Variants in HIBCH observed in about 807,000 individuals in gnomAD.
The protein encoded by HIBCH is 3-hydroxyisobutyryl-CoA hydrolase.
HIBCH carries 50 observed loss-of-function variants against 58.2 expected under a neutral mutation model. The observed-to-expected ratio is 0.86, with a 90% CI of 0.68 to 1.09. HIBCH has a LOEUF of 1.09. HIBCH is among the 50% of genes least tolerant of loss of function. HIBCH has a pLI of 0.00. For missense variants in HIBCH, 450 were observed against 449.7 expected (o/e 1.00, Z -0.01); for synonymous variants, 151 against 146.9 (o/e 1.03, Z -0.20).
At chr2:190,241,923 A>C (rs1276908201) in intron 11 of HIBCH, among the ~76,000 whole-genome samples, 2 of 152,136 alleles carry the variant, frequency 1.3e-5, no homozygotes, top group Non-Finnish European at 2.9e-5. Context: ...ACTTTGGAGA[A>C]TCTGAAGATT....
chr2:190,200,093 C>T (rs750873826), downstream of HIBCH: 92 of 1,613,908 alleles, frequency 5.7e-5, no homozygotes, highest in Middle Eastern at 3.3e-4. Flanking sequence ...CAGCAATGGG[C>T]ATGCAATAAC....
In HIBCH at chr2:190,209,796, A is replaced by G. The variant is rs1010624451; in HGVS notation, c.1012-883T>C. On this transcript the variant is annotated intron_variant, in intron 12 of 13. Coordinates refer to ENST00000359678, the MANE Select transcript of HIBCH (RefSeq NM_014362.4). The surrounding 1 kb of genome is among the most constrained non-coding windows in gnomAD (Gnocchi z 5.6). ...TTTCCTAGAATCATCGATGTAGGCAATATAGCTGAGTTCAAATGTCTAGGT... is the reference window on the plus strand; with the variant it reads ...TTTCCTAGAATCATCGATGTAGGCAGTATAGCTGAGTTCAAATGTCTAGGT... Among the ~76,000 whole-genome samples the G allele has an allele frequency of 6.6e-6, 1 of 152,202 alleles. No homozygotes were observed. The highest frequency in any genetic ancestry group is 2.4e-5 in the African/African-American group (1 of 41,450).
chr2:190,240,655 T>G (rs1686424901), intron 11 of HIBCH, among the ~76,000 whole-genome samples: 1 of 152,212 alleles, frequency 6.6e-6, no homozygotes, highest in Non-Finnish European at 1.5e-5. Context: ...AACACTGCTT[T>G]AGCTGTGTTG....
intron 11 of HIBCH, among the ~76,000 whole-genome samples, chr2:190,240,044 G>A (rs1420301813): frequency 1.3e-5 from 2 of 152,062 alleles, no homozygotes; most frequent in Non-Finnish European, 2.9e-5. Flanking sequence ...CCCTCTTTTT[G>A]TATTCTTTGG....
intron 1 of HIBCH, among the ~76,000 whole-genome samples, chr2:190,191,948 C>T (rs1558998042): frequency 2.0e-5 from 3 of 150,652 alleles, no homozygotes; most frequent in Admixed American, 2.0e-4. Context: ...TTTTCCAGAG[C>T]AAATCTTTTT....
intron 11 of HIBCH, among the ~76,000 whole-genome samples, chr2:190,237,141 C>G (rs10188044): frequency 0.3 from 45,785 of 152,080 alleles, 7,785 homozygotes; most frequent in East Asian, 0.46. Context: ...CACTTAAGTG[C>G]ATAGTTCTAT....
intron 1 of HIBCH, 175 bp from the exon 2 acceptor site, chr2:190,310,971 T>C: frequency 1.4e-6 from 1 of 703,178 alleles, no homozygotes; most frequent in East Asian, 2.7e-5. Flanking sequence ...GTACAGCCAC[T>C]TTGCACATGA....
chr2:190,204,904 A>C lies in HIBCH; in HGVS notation c.*213T>G. The C allele has an allele frequency of 1.8e-6, 1 of 547,992 alleles. No individual in the cohort carries two copies. The highest frequency in any genetic ancestry group is 3.3e-6 in the Non-Finnish European group (1 of 305,740). 33.9% of individuals were successfully genotyped at this position (547,992 alleles called of 1,614,324 possible). ...GCCACAGATAATATATAAACAGATG[A>C]GTATAGCTAGTTCCAATAAAGCTTT... On this transcript the variant is annotated 3_prime_UTR_variant, in exon 14 of 14. Coordinates refer to ENST00000359678, the MANE Select transcript of HIBCH (RefSeq NM_014362.4).
chr2:190,199,915 G>A (rs1487086188), downstream of HIBCH: 2 of 1,614,024 alleles, frequency 1.2e-6, no homozygotes, highest in East Asian at 2.2e-5. Context: ...ATATGAAGGT[G>A]AGAAGCAGCA....
At position 190,206,172 on chromosome 2, in the gene HIBCH, G is replaced by A. The variant is rs1180650856; in HGVS notation, c.1046-940C>T. On this transcript the variant is annotated intron_variant, in intron 13 of 13. Coordinates refer to ENST00000359678, the MANE Select transcript of HIBCH (RefSeq NM_014362.4). This position sits in a 1 kb window ranked among gnomAD's most constrained non-coding sequence, Gnocchi z 5.1. The stretch of plus-strand genomic sequence containing the variant: ...AGTATGGGAACCAAGGAAGAAGACT[G>A]CCTTGGTAGGTGGAGGGAAGCTTTT... Among the ~76,000 whole-genome samples the A allele has an allele frequency of 6.6e-6, 1 of 152,206 alleles. No homozygotes were observed. The highest frequency in any genetic ancestry group is 1.5e-5 in the Non-Finnish European group (1 of 68,020).
chr2:190,286,296 ACTT>A (rs1296553682), intron 6 of HIBCH, among the ~76,000 whole-genome samples: 1 of 152,046 alleles, frequency 6.6e-6, no homozygotes, highest in Non-Finnish European at 1.5e-5. Context: ...GTCCAATCAT[ACTT>A]CTATATGACT....
At chr2:190,224,811 C>G (rs1214451534) in intron 11 of HIBCH, among the ~76,000 whole-genome samples, 1 of 152,208 alleles carries the variant, frequency 6.6e-6, no homozygotes, top group Non-Finnish European at 1.5e-5. Flanking sequence ...GAACTCTCCA[C>G]CCCAAATCAA....
intron 6 of HIBCH, among the ~76,000 whole-genome samples, chr2:190,277,668 TAA>T (rs1450490430): frequency 6.6e-6 from 1 of 152,174 alleles, no homozygotes; most frequent in Non-Finnish European, 1.5e-5. Context: ...AAACCTAATT[TAA>T]GAGTATAGTT....
chr2:190,223,365 T>C (rs762116009), intron 11 of HIBCH, among the ~76,000 whole-genome samples: 2 of 152,204 alleles, frequency 1.3e-5, no homozygotes, highest in African/African-American at 2.4e-5. Context: ...CTCCTGAGTA[T>C]ATGGTACTAC....
intron 11 of HIBCH, among the ~76,000 whole-genome samples, chr2:190,237,539 G>C (rs1001943648): frequency 2.0e-5 from 3 of 152,054 alleles, no homozygotes; most frequent in African/African-American, 7.2e-5. Context: ...GTGTGGACTC[G>C]TGTTTACACT....
chr2:190,219,822 C>T (rs1278008237), intron 11 of HIBCH, among the ~76,000 whole-genome samples: 1 of 152,158 alleles, frequency 6.6e-6, no homozygotes, highest in African/African-American at 2.4e-5. Context: ...TTAAAAGTCT[C>T]GCTTTCGCTA....
chr2:190,194,861 A>C (rs1272171035), intron 1 of HIBCH, among the ~76,000 whole-genome samples: 2 of 151,836 alleles, frequency 1.3e-5, no homozygotes, highest in Non-Finnish European at 2.9e-5. Context: ...TGGCTGGATT[A>C]TTATTTTTTG....
rs1690516337 is a variant in HIBCH at position 190,211,770 on chromosome 2, T to C, written c.1011+1186A>G. Among the ~76,000 whole-genome samples the C allele has an allele frequency of 1.3e-5, 2 of 152,212 alleles. No individual in the cohort carries two copies. The highest frequency in any genetic ancestry group is 6.5e-5 in the Admixed American group (1 of 15,276). On this transcript the variant is annotated intron_variant, in intron 12 of 13. Coordinates refer to ENST00000359678, the MANE Select transcript of HIBCH (RefSeq NM_014362.4). The surrounding 1 kb of genome is among the most constrained non-coding windows in gnomAD (Gnocchi z 5.0). ...GTTTACTTGTTCTTTGTAGTCTCAGTAGACTAAACCCATGAAAATAAAGGA... is the reference window on the plus strand; with the variant it reads ...GTTTACTTGTTCTTTGTAGTCTCAGCAGACTAAACCCATGAAAATAAAGGA...
intron 11 of HIBCH, among the ~76,000 whole-genome samples, chr2:190,226,594 TCA>T: frequency 1.1e-5 from 1 of 89,858 alleles, no homozygotes; most frequent in South Asian, 4.0e-4. Context: ...AAACTCCGTC[TCA>T]AAAAAAAAAA....
Sources: allele counts gnomAD v4.1 joint callset (sites outside exome capture counted in the v4.1 genomes callset), GRCh38; gene constraint gnomAD v4.1.1; non-coding constraint Gnocchi (gnomAD v3.1); transcripts MANE v1.5; gene names NCBI Gene and HGNC (gene_info 2026-07-23, HGNC 2026-07-21).